Variants in LPCAT2 observed in about 807,000 individuals in gnomAD.
The protein encoded by LPCAT2 is 1-AGP acyltransferase 11.
LPCAT2 carries 58 observed loss-of-function variants against 64.7 expected under a neutral mutation model. The observed-to-expected ratio is 0.90, with a 90% CI of 0.73 to 1.12. The LOEUF (loss-of-function observed/expected upper bound fraction) is 1.12, where lower values mean the gene tolerates loss of function less well. Among genes scored for constraint, LPCAT2 ranks in the 50% most tolerant of loss-of-function variants. The probability of loss-of-function intolerance (pLI) is 0.00; values close to 1 mark genes in which losing one functional copy is unlikely to be tolerated. For missense variants in LPCAT2, 579 were observed against 669.8 expected (o/e 0.86, Z 1.50); for synonymous variants, 252 against 245.3 (o/e 1.03, Z -0.26).
At chr16:55,545,287 A>G (rs1259483829) in intron 8 of LPCAT2, among the ~76,000 whole-genome samples, 3 of 152,226 alleles carry the variant, frequency 2.0e-5, no homozygotes, top group African/African-American at 7.2e-5. Flanking sequence ...AATATGGTTG[A>G]CATTAGAATG....
chr16:55,522,374 G>A (rs767116583), intron 1 of LPCAT2, among the ~76,000 whole-genome samples: 1 of 151,652 alleles, frequency 6.6e-6, no homozygotes, highest in East Asian at 1.9e-4. Context: ...TGAATTGGAA[G>A]AATCAATATT....
At chr16:55,573,788 T>C (rs952293062) in intron 11 of LPCAT2, among the ~76,000 whole-genome samples, 4 of 151,970 alleles carry the variant, frequency 2.6e-5, no homozygotes, top group Admixed American at 2.6e-4. Flanking sequence ...TCTTTTTTAG[T>C]TCTCTGTCTG....
chr16:55,580,118 T>G (rs1418283090), intron 13 of LPCAT2, among the ~76,000 whole-genome samples: 1 of 152,210 alleles, frequency 6.6e-6, no homozygotes, highest in Non-Finnish European at 1.5e-5. Context: ...AATTACTCTT[T>G]CCTTATGGTG....
chr16:55,538,949 T>C (rs1963360689), intron 8 of LPCAT2: 1 of 152,158 alleles, frequency 6.6e-6, no homozygotes. Flanking sequence ...GCACTGCTCT[T>C]GCTTCTTTAA....
chr16:55,544,726 C>T (rs1361080693), intron 8 of LPCAT2, among the ~76,000 whole-genome samples: 3 of 152,156 alleles, frequency 2.0e-5, no homozygotes, highest in Non-Finnish European at 2.9e-5. Context: ...TCCTCTTTGG[C>T]TGCATTTCCC....
In LPCAT2 at chr16:55,578,018, G is replaced by A. The variant is rs79949341; in HGVS notation, c.1315-1091G>A. 9.7e-3 allele frequency among the ~76,000 whole-genome samples: 1,474 copies of A among 152,036 alleles called. 29 individuals are homozygous for A. Among genetic ancestry groups the A allele is most frequent in the African/African-American group, 0.034 (1,392 of 41,480 alleles). The stretch of plus-strand genomic sequence containing the variant: ...CTTCCTATGGCATTTTGCTCTGTTG[G>A]CCCTTACCACTGTTAGCATCTCTTC... On this transcript the variant is annotated intron_variant, in intron 12 of 13. Transcript: ENST00000262134.
chr16:55,519,237 A>G (rs1445025013), intron 1 of LPCAT2, among the ~76,000 whole-genome samples: 1 of 152,076 alleles, frequency 6.6e-6, no homozygotes, highest in Non-Finnish European at 1.5e-5. Flanking sequence ...ACGGTGGCTC[A>G]CACCTGTAGT....
At chr16:55,515,642 A>G (rs572515483) in intron 1 of LPCAT2, among the ~76,000 whole-genome samples, 4 of 152,242 alleles carry the variant, frequency 2.6e-5, no homozygotes, top group Non-Finnish European at 5.9e-5. Flanking sequence ...AAACATCTAC[A>G]TAAAGCAATA....
intron 11 of LPCAT2, among the ~76,000 whole-genome samples, chr16:55,556,666 T>C (rs1963579640): frequency 6.6e-6 from 1 of 152,086 alleles, no homozygotes; most frequent in Non-Finnish European, 1.5e-5. Flanking sequence ...GAGAATGGTG[T>C]GAACCCAGGA....
intron 8 of LPCAT2, chr16:55,542,166 G>C (rs1418151731): frequency 3.8e-6 from 1 of 266,636 alleles, no homozygotes; most frequent in East Asian, 1.1e-4. Flanking sequence ...GTCTTAAATA[G>C]TAGGCTGAAG....
At chr16:55,552,987 G>A (rs1350967683) in intron 11 of LPCAT2, among the ~76,000 whole-genome samples, 1 of 152,222 alleles carries the variant, frequency 6.6e-6, no homozygotes, top group Non-Finnish European at 1.5e-5. Context: ...TGTAATCCCA[G>A]CAGTTTGGGA....
intron 12 of LPCAT2, among the ~76,000 whole-genome samples, chr16:55,578,838 A>T (rs144805349): frequency 8.6e-5 from 13 of 152,036 alleles, no homozygotes; most frequent in African/African-American, 3.1e-4. Context: ...GCCTTCTTGG[A>T]CCTCTCTGGG....
At chr16:55,510,256 C>T (rs1411288101) in intron 1 of LPCAT2, among the ~76,000 whole-genome samples, 4 of 152,056 alleles carry the variant, frequency 2.6e-5, no homozygotes, top group African/African-American at 9.7e-5. Context: ...GAAGTAGTAG[C>T]CCAGGCTGTT....
At chr16:55,568,366 T>G (rs1021633007) in intron 11 of LPCAT2, among the ~76,000 whole-genome samples, 4 of 152,236 alleles carry the variant, frequency 2.6e-5, no homozygotes, top group Admixed American at 2.0e-4. Context: ...AGGAAAATTC[T>G]TTTGTTCATC....
intron 13 of LPCAT2, 87 bp from the exon 14 acceptor site, chr16:55,582,827 T>C: frequency 1.2e-6 from 1 of 824,962 alleles, no homozygotes; most frequent in Non-Finnish European, 1.9e-6. Flanking sequence ...TTTGTAATAA[T>C]TGCATTATTA....
chr16:55,548,561 C>T (rs1217262508), intron 9 of LPCAT2, among the ~76,000 whole-genome samples: 1 of 152,172 alleles, frequency 6.6e-6, no homozygotes, highest in Non-Finnish European at 1.5e-5. Flanking sequence ...TTCCCTCTGT[C>T]ACCCAGGCTG....
chr16:55,566,994 C>T (rs761123531), intron 11 of LPCAT2: 35 of 1,613,696 alleles, frequency 2.2e-5, no homozygotes, highest in Admixed American at 5.0e-5. Context: ...GGAAGTTAGG[C>T]GATTTCGGCA....
intron 1 of LPCAT2, among the ~76,000 whole-genome samples, chr16:55,521,783 C>A (rs1011209826): frequency 2.0e-5 from 3 of 151,596 alleles, no homozygotes; most frequent in African/African-American, 7.2e-5. Context: ...ACTCACCTGA[C>A]AAAATTCAAT....
chr16:55,529,762 T>C (rs1320542932), intron 3 of LPCAT2, 73 bp from the exon 4 acceptor site: 2 of 634,994 alleles, frequency 3.1e-6, no homozygotes, highest in East Asian at 2.9e-5. Flanking sequence ...CAATATGTTA[T>C]ATATCCAGTA....
Sources: gnomAD v4.1 joint callset for allele counts (sites outside exome capture counted in the v4.1 genomes callset) on GRCh38, gnomAD v4.1.1 for gene constraint, MANE v1.5 for transcripts, NCBI Gene and HGNC (gene_info 2026-07-23, HGNC 2026-07-21) for gene names.